Variants in NPAS3 observed in about 807,000 individuals in gnomAD.
NPAS3 encodes the protein neuronal PAS domain-containing protein 3.
Under a neutral mutation model 73.1 loss-of-function variants are expected in NPAS3, and 14 were observed. The observed-to-expected ratio is 0.19, with a 90% CI of 0.13 to 0.30. The LOEUF is 0.30. NPAS3 is among the 10% of genes least tolerant of loss of function. The pLI is 1.00. For synonymous variants in NPAS3, 620 were observed against 541.5 expected (o/e 1.14, Z -2.01); for missense variants, 1,096 against 1,250.0 (o/e 0.88, Z 1.86).
intron 1 of NPAS3, among the ~76,000 whole-genome samples, chr14:32,966,513 C>CTA (rs1331849673): frequency 1.3e-5 from 2 of 152,276 alleles, no homozygotes; most frequent in Non-Finnish European, 2.9e-5. Context: ...AAGAATAAAA[C>CTA]TAGACGGTTC....
Position 32,994,910 on chromosome 14 carries a change from G to A in NPAS3, c.50+55544G>A, listed in dbSNP as rs1595177031. 2.6e-5 allele frequency among the ~76,000 whole-genome samples: 4 copies of A among 152,294 alleles called. No homozygotes were observed. The East Asian group carries it at 7.7e-4, about 29-fold the overall frequency. ...GCCTTCCAAAGTGCTGGGATTACAG[G>A]CATGAGCCACTGCACCCAGCCCATT... On this transcript the variant is annotated intron_variant, in intron 1 of 11. Coordinates refer to ENST00000356141, the Ensembl canonical transcript of NPAS3.
chr14:33,287,356 C>G (rs1391038172), intron 3 of NPAS3, among the ~76,000 whole-genome samples: 1 of 152,152 alleles, frequency 6.6e-6, no homozygotes, highest in Non-Finnish European at 1.5e-5. Context: ...AGTCTACAGA[C>G]TTTTCTGTGA....
At chr14:33,049,707 A>T (rs1047562579) in intron 1 of NPAS3, among the ~76,000 whole-genome samples, 1 of 152,218 alleles carries the variant, frequency 6.6e-6, no homozygotes, top group African/African-American at 2.4e-5. Context: ...TCAATGTCAT[A>T]TAGCTAGTAG....
intron 2 of NPAS3, among the ~76,000 whole-genome samples, chr14:33,141,509 C>A (rs948062193): frequency 1.3e-5 from 2 of 152,124 alleles, no homozygotes; most frequent in Non-Finnish European, 2.9e-5. Flanking sequence ...ATCACAGTAG[C>A]TACTGTTTAG....
At chr14:33,217,295 G>A (rs2047261384) in intron 3 of NPAS3, among the ~76,000 whole-genome samples, 1 of 152,118 alleles carries the variant, frequency 6.6e-6, no homozygotes, top group African/African-American at 2.4e-5. Context: ...TTTGGATTTG[G>A]ATGGGGACGT....
chr14:33,459,922 G>C lies in NPAS3; in HGVS notation c.468+92654G>C, dbSNP rs568949915. Among the ~76,000 whole-genome samples the C allele has an allele frequency of 9.2e-5, 14 of 152,260 alleles. No homozygotes were observed. In the East Asian group the frequency reaches 2.5e-3, roughly 27 times the overall value. ...GACTATAGGCTCTTTTAACAGTAGA[G>C]ATTATTTCTGCCTAGTGCCCAGCAT... On this transcript the variant is annotated intron_variant, in intron 4 of 11. Coordinates refer to ENST00000356141, the Ensembl canonical transcript of NPAS3.
intron 5 of NPAS3, among the ~76,000 whole-genome samples, chr14:33,607,495 T>G (rs2057609206): frequency 6.6e-6 from 1 of 152,020 alleles, no homozygotes; most frequent in South Asian, 2.1e-4. Context: ...TCAGTAGTTG[T>G]CTGGGGATGG....
intron 7 of NPAS3, among the ~76,000 whole-genome samples, chr14:33,750,987 A>G (rs915810214): frequency 3.3e-5 from 5 of 152,190 alleles, no homozygotes; most frequent in Non-Finnish European, 7.4e-5. Context: ...AGGGAACTCT[A>G]AACAGAGGGA....
chr14:33,536,040 G>A (rs148851964), intron 4 of NPAS3, among the ~76,000 whole-genome samples: 4 of 152,238 alleles, frequency 2.6e-5, no homozygotes, highest in Admixed American at 6.5e-5. Flanking sequence ...CTTTGGCCTC[G>A]TATGCAAGTT....
intron 2 of NPAS3, among the ~76,000 whole-genome samples, chr14:33,112,528 G>A (rs1012762597): frequency 1.3e-5 from 2 of 151,862 alleles, no homozygotes; most frequent in Non-Finnish European, 2.9e-5. Flanking sequence ...TTTTTTTCTT[G>A]TAAATCTGTT....
At chr14:32,979,058 T>G (rs1003314223) in intron 1 of NPAS3, among the ~76,000 whole-genome samples, 1 of 152,322 alleles carries the variant, frequency 6.6e-6, no homozygotes, top group Non-Finnish European at 1.5e-5. Flanking sequence ...TTTCCTTATC[T>G]ATAAAATGGG....
At chr14:33,478,576 A>G (rs2139682135) in intron 4 of NPAS3, among the ~76,000 whole-genome samples, 1 of 152,268 alleles carries the variant, frequency 6.6e-6, no homozygotes, top group East Asian at 1.9e-4. Context: ...AATTTGATTT[A>G]TATCATACCT....
intron 7 of NPAS3, among the ~76,000 whole-genome samples, chr14:33,763,212 G>C (rs2140839282): frequency 6.6e-6 from 1 of 152,236 alleles, no homozygotes; most frequent in East Asian, 1.9e-4. Context: ...GAGGTACTTG[G>C]CACCGCCGTG....
At position 33,063,683 on chromosome 14, in the gene NPAS3, A is replaced by C. The variant is rs555262917; in HGVS notation, c.140+7689A>C. Among the ~76,000 whole-genome samples the C allele has an allele frequency of 2.0e-5, 3 of 152,290 alleles. No homozygotes were observed. In the South Asian group the frequency reaches 6.2e-4, roughly 32 times the overall value. ...AGTGACAGAGACCATATGGCCCACA[A>C]AGCTGCAAATATTTACAATCTGGCC... On this transcript the variant is annotated intron_variant, in intron 2 of 11. Coordinates refer to ENST00000356141, the Ensembl canonical transcript of NPAS3.
intron 6 of NPAS3, among the ~76,000 whole-genome samples, chr14:33,688,869 G>A (rs1056183571): frequency 9.9e-5 from 15 of 152,140 alleles, no homozygotes; most frequent in Admixed American, 9.8e-4. Flanking sequence ...ATATGATTAC[G>A]GCTGCCCAGA....
intron 2 of NPAS3, among the ~76,000 whole-genome samples, chr14:33,164,663 T>G (rs1054898105): frequency 6.6e-6 from 1 of 152,174 alleles, no homozygotes; most frequent in African/African-American, 2.4e-5. Flanking sequence ...TGGTGTCCCA[T>G]TTAATCTTCA....
At chr14:33,617,636 A>C (rs1033881665) in intron 5 of NPAS3, among the ~76,000 whole-genome samples, 2 of 152,234 alleles carry the variant, frequency 1.3e-5, no homozygotes, top group Admixed American at 6.5e-5. Context: ...TATACATTTT[A>C]GAGTAATCAC....
chr14:33,119,876 T>C (rs2043179243), intron 2 of NPAS3, among the ~76,000 whole-genome samples: 1 of 152,168 alleles, frequency 6.6e-6, no homozygotes, highest in Non-Finnish European at 1.5e-5. Flanking sequence ...TTTGAAATGA[T>C]AAACTAAATG....
intron 5 of NPAS3, among the ~76,000 whole-genome samples, chr14:33,612,893 T>C (rs2057794830): frequency 1.3e-5 from 2 of 152,198 alleles, no homozygotes; most frequent in Non-Finnish European, 2.9e-5. Context: ...GTTTCTTAAC[T>C]TTTTAAATTG....
Sources: allele counts gnomAD v4.1 joint callset (sites outside exome capture counted in the v4.1 genomes callset), GRCh38; gene constraint gnomAD v4.1.1; transcripts MANE v1.5; gene names NCBI Gene and HGNC (gene_info 2026-07-23, HGNC 2026-07-21).